The following TRAK1 variants were observed in gnomAD, a reference collection of about 807,000 sequenced individuals.
The protein encoded by TRAK1 is trafficking kinesin protein 1, also known as trafficking kinesin-binding protein 1.
In TRAK1, 33 loss-of-function variants were observed where a neutral mutation model predicts 92.1. That is an observed-to-expected ratio of 0.36 (90% CI 0.27 to 0.48). TRAK1 has a LOEUF of 0.48. Ranked by LOEUF, TRAK1 falls within the 20% of genes least tolerant of loss-of-function variation. The pLI, the probability that TRAK1 is intolerant of heterozygous loss-of-function variation, is 0.99. For synonymous variants in TRAK1, 521 were observed against 517.3 expected (o/e 1.01, Z -0.10); for missense variants, 1,123 against 1,257.9 (o/e 0.89, Z 1.62).
At chr3:42,192,267 C>A (rs6783599) in intron 7 of TRAK1, among the ~76,000 whole-genome samples, 117,166 of 151,966 alleles carry the variant, frequency 0.77, 45,452 homozygotes, top group East Asian at 0.99. Flanking sequence ...GAAAATGTGG[C>A]AGAACAGCTT....
intron 10 of TRAK1, 149 bp from the exon 11 acceptor site, chr3:42,199,028 A>G: frequency 1.4e-6 from 1 of 740,108 alleles, no homozygotes; most frequent in African/African-American, 1.7e-5. Flanking sequence ...CTGACAACAG[A>G]GAGTGCTGTT....
chr3:42,031,316 C>T (rs982749221), intron 1 of TRAK1, among the ~76,000 whole-genome samples: 18 of 150,996 alleles, frequency 1.2e-4, no homozygotes, highest in African/African-American at 3.2e-4. Flanking sequence ...GGATTACAGG[C>T]GTGAGCCACC....
chr3:42,121,870 T>C (rs113168713), intron 1 of TRAK1, among the ~76,000 whole-genome samples: 3,091 of 152,170 alleles, frequency 0.02, 111 homozygotes, highest in African/African-American at 0.07. Context: ...CAGGCTGGAG[T>C]GCAGTGGCGT....
At chr3:42,136,645 AAAAT>A (rs1553729334) in intron 2 of TRAK1, among the ~76,000 whole-genome samples, 51 of 136,396 alleles carry the variant, frequency 3.7e-4, no homozygotes, top group East Asian at 6.0e-4. Flanking sequence ...AAATAAATAA[AAAAT>A]AAATAAATAA....
chr3:42,184,936 A>G (rs888060396), intron 4 of TRAK1, 135 bp downstream of exon 4: 1 of 793,594 alleles, frequency 1.3e-6, no homozygotes, highest in Non-Finnish European at 2.1e-6. Context: ...GCCTGAGCCC[A>G]GAACTGTCTC....
Position 42,125,487 on chromosome 3 carries a change from T to C in TRAK1, c.159T>C (p.His53=). ...IISLLEEQLP[H]YKLRADTIYG... is the part of the protein sequence containing the mutation. ...GCCTGCTGGAGGAGCAGCTGCCCCA[T>C]TATAAGTTAAGAGCCGACACCATCT... The change falls in exon 2 of 16, where the codon CAT becomes CAC. Residue 53 remains histidine, a synonymous_variant. Transcript: ENST00000327628. 5.6e-6 allele frequency: 9 copies of C among 1,614,194 alleles called. No individual in the cohort carries two copies. The highest frequency in any genetic ancestry group is 6.8e-6 in the Non-Finnish European group (8 of 1,180,028).
intron 1 of TRAK1, among the ~76,000 whole-genome samples, chr3:42,081,444 C>G (rs2148951526): frequency 6.6e-6 from 1 of 152,294 alleles, no homozygotes; most frequent in South Asian, 2.1e-4. Context: ...CCCCTTCTTT[C>G]ATTTGTTGTT....
At chr3:42,165,588 G>A (rs902504928) in intron 2 of TRAK1, among the ~76,000 whole-genome samples, 1 of 152,178 alleles carries the variant, frequency 6.6e-6, no homozygotes, top group African/African-American at 2.4e-5. Context: ...TCAGGCTTTT[G>A]TGGGCTGTGG....
At chr3:42,187,492 G>T (rs1705060117) in intron 4 of TRAK1, among the ~76,000 whole-genome samples, 1 of 151,846 alleles carries the variant, frequency 6.6e-6, no homozygotes, top group African/African-American at 2.4e-5. Flanking sequence ...TTTTGAGATG[G>T]AGTTTTGCTC....
intron 2 of TRAK1, among the ~76,000 whole-genome samples, chr3:42,152,434 T>C (rs1700065124): frequency 6.6e-6 from 1 of 152,236 alleles, no homozygotes; most frequent in Admixed American, 6.5e-5. Flanking sequence ...CCCGATTGGA[T>C]GCATCCCATC....
upstream of TRAK1, chr3:42,087,056 T>G (rs779852216): frequency 6.6e-6 from 1 of 152,236 alleles, no homozygotes; most frequent in Non-Finnish European, 1.5e-5. Context: ...ATTGTCCAGG[T>G]TTATCGATAG....
intron 1 of TRAK1, among the ~76,000 whole-genome samples, chr3:42,116,272 C>T (rs1331197534): frequency 2.0e-5 from 3 of 152,246 alleles, no homozygotes; most frequent in South Asian, 4.1e-4. Context: ...ACACAGTGTC[C>T]TTTTCCATTC....
intron 1 of TRAK1, among the ~76,000 whole-genome samples, chr3:42,099,276 G>T (rs1706395475): frequency 6.6e-6 from 1 of 152,086 alleles, no homozygotes; most frequent in Non-Finnish European, 1.5e-5. Context: ...GGACGAGTGG[G>T]CATAGGCGGG....
chr3:42,016,667 G>A (rs1701539309), intron 1 of TRAK1, among the ~76,000 whole-genome samples: 1 of 152,190 alleles, frequency 6.6e-6, no homozygotes, highest in Non-Finnish European at 1.5e-5. Context: ...AGCTGTCGGA[G>A]TTTTTATAGA....
At chr3:42,050,184 TG>T (rs201181899) in intron 1 of TRAK1, among the ~76,000 whole-genome samples, 2,267 of 133,176 alleles carry the variant, frequency 0.017, 138 homozygotes, top group Admixed American at 0.13. Flanking sequence ...GAACTGAGGG[TG>T]GGGGGGTGTG....
intron 1 of TRAK1, among the ~76,000 whole-genome samples, chr3:42,094,921 C>T (rs1025944648): frequency 2.0e-5 from 3 of 152,126 alleles, no homozygotes; most frequent in African/African-American, 7.2e-5. Context: ...GTGTTCCAGT[C>T]CTGAAGACCC....
chr3:42,132,021 A>G (rs1036645791), intron 2 of TRAK1, among the ~76,000 whole-genome samples: 2 of 151,810 alleles, frequency 1.3e-5, no homozygotes, highest in South Asian at 2.1e-4. Context: ...GTGAGCCAAG[A>G]TCGTGCCACT....
Position 42,223,416 on chromosome 3 carries a change from C to T in TRAK1, c.2541C>T (p.Val847=), listed in dbSNP as rs1317997053. Reference sequence around the variant, plus strand: ...CCAACCTCAACCTCGTGGACAAAGTCAGGAGGTTTGGGGTGGCCAAAGTGG... The same window carrying T: ...CCAACCTCAACCTCGTGGACAAAGTTAGGAGGTTTGGGGTGGCCAAAGTGG... ...SVSNLNLVDK[V]RRFGVAKVVN... The change falls in exon 16 of 16, where the codon GTC becomes GTT. Residue 847 remains valine (V), a synonymous_variant. Coordinates refer to ENST00000327628, the MANE Select transcript of TRAK1 (RefSeq NM_001042646.3). The surrounding 1 kb of genome is among the most constrained non-coding windows in gnomAD (Gnocchi z 6.1). 4 of 1,614,186 alleles carry T rather than the reference C, an allele frequency of 2.5e-6. No individual in the cohort carries two copies. Among genetic ancestry groups the T allele is most frequent in the East Asian group, 2.2e-5 (1 of 44,856 alleles).
intron 1 of TRAK1, among the ~76,000 whole-genome samples, chr3:42,091,815 TGCA>T (rs1314044772): frequency 6.6e-6 from 1 of 152,152 alleles, no homozygotes; most frequent in Non-Finnish European, 1.5e-5. Flanking sequence ...GCTCAGTAGG[TGCA>T]AGTGACACTT....
Sources: gnomAD v4.1 joint callset for allele counts (sites outside exome capture counted in the v4.1 genomes callset) on GRCh38, gnomAD v4.1.1 for gene constraint, Gnocchi (gnomAD v3.1) non-coding constraint, MANE v1.5 for transcripts, NCBI Gene and HGNC (gene_info 2026-07-23, HGNC 2026-07-21) for gene names.